FGF13: variants seen among roughly 807,000 people sequenced by gnomAD.
FGF13 encodes fibroblast growth factor 13, also known as fibroblast growth factor homologous factor 2.
Under a neutral mutation model 19.5 loss-of-function variants are expected in FGF13, and 2 were observed. The observed-to-expected ratio is 0.10, with a 90% CI of 0.04 to 0.32. The LOEUF is 0.32. Ranked by LOEUF, FGF13 falls within the 10% of genes least tolerant of loss-of-function variation. The pLI is 1.00. For missense variants in FGF13, 113 were observed against 192.7 expected (o/e 0.59, Z 2.45); for synonymous variants, 72 against 76.9 (o/e 0.94, Z 0.33).
chrX:139,158,280 A>AG (rs1226177100), intron 1 of FGF13, among the ~76,000 whole-genome samples: 6 of 110,295 alleles, frequency 5.4e-5, no homozygotes, highest in African/African-American at 1.0e-4. Context: ...TCCCCTGGAA[A>AG]GGGGGGTGCA....
intron 3 of FGF13, among the ~76,000 whole-genome samples, chrX:138,697,890 A>T (rs1483046468): frequency 9.0e-6 from 1 of 111,276 alleles, no homozygotes; most frequent in Admixed American, 9.6e-5. Flanking sequence ...TTTATTACAA[A>T]TAGCTTTATG....
intron 1 of FGF13, among the ~76,000 whole-genome samples, chrX:139,038,183 C>T (rs73243306): frequency 0.058 from 6,483 of 111,127 alleles, 196 homozygotes; most frequent in Non-Finnish European, 0.093. Context: ...CTGTAACCAC[C>T]CCCACTCCTA....
At chrX:139,056,174 C>T (rs1043036188) in intron 1 of FGF13, among the ~76,000 whole-genome samples, 3 of 112,394 alleles carry the variant, frequency 2.7e-5, no homozygotes, top group Non-Finnish European at 3.8e-5. Flanking sequence ...ATAAGGAACA[C>T]CTACTAGTAC....
intron 1 of FGF13, among the ~76,000 whole-genome samples, chrX:138,973,431 G>A (rs1210579111): frequency 2.7e-5 from 3 of 111,851 alleles, no homozygotes; most frequent in African/African-American, 9.8e-5. Flanking sequence ...GACCTATCCT[G>A]GAGAATGTTC....
chrX:138,734,703 T>C (rs1602761641), intron 1 of FGF13, among the ~76,000 whole-genome samples: 1 of 111,930 alleles, frequency 8.9e-6, no homozygotes, highest in African/African-American at 3.2e-5. Flanking sequence ...AGAAAGCATC[T>C]TTCCTAGTTC....
chrX:138,874,589 T>C (rs1292498556), intron 1 of FGF13, among the ~76,000 whole-genome samples: 2 of 111,821 alleles, frequency 1.8e-5, no homozygotes, highest in African/African-American at 6.5e-5. Context: ...ATGGCAAGCT[T>C]GAAAAAGATG....
At chrX:139,198,250 GCCT>G (rs2084389734) in intron 1 of FGF13, among the ~76,000 whole-genome samples, 1 of 111,253 alleles carries the variant, frequency 9.0e-6, no homozygotes, top group Admixed American at 9.5e-5. Flanking sequence ...TTCTAATTTG[GCCT>G]TTGACTGGCC....
At chrX:138,905,309 G>A (rs1461875528) in intron 1 of FGF13, among the ~76,000 whole-genome samples, 1 of 111,695 alleles carries the variant, frequency 9.0e-6, no homozygotes, top group Non-Finnish European at 1.9e-5. Context: ...TATTTAATTA[G>A]GTAATTATAA....
intron 1 of FGF13, among the ~76,000 whole-genome samples, chrX:139,001,988 AC>A (rs2092075445): frequency 8.9e-6 from 1 of 112,001 alleles, no homozygotes; most frequent in Non-Finnish European, 1.9e-5. Context: ...GCACAAATGC[AC>A]CAAGGAATAC....
chrX:139,069,519 C>G (rs1409816720), intron 1 of FGF13, among the ~76,000 whole-genome samples: 1 of 94,984 alleles, frequency 1.1e-5, no homozygotes, highest in East Asian at 3.5e-4. Flanking sequence ...TGCTAGATGA[C>G]GAGTTCGTGG....
chrX:139,001,963 G>C lies in FGF13; in HGVS notation c.-112-137313C>G, dbSNP rs1268100623. On this transcript the variant is annotated intron_variant, in intron 1 of 2. Transcript: ENST00000421460. ...CCAAATGCCCATCAATGATAGACTG[G>C]ATAAAGAAAATGTGGCACAAATGCA... Among the ~76,000 whole-genome samples the C allele has an allele frequency of 3.6e-5, 4 of 111,895 alleles. No homozygotes were observed. In the Admixed American group the frequency reaches 3.8e-4, roughly 11 times the overall value.
chrX:138,812,672 A>G (rs900229925), intron 3 of FGF13, among the ~76,000 whole-genome samples: 4 of 111,896 alleles, frequency 3.6e-5, no homozygotes, highest in African/African-American at 9.7e-5. Flanking sequence ...ATGTTTTTAC[A>G]TGAATAAGAT....
chrX:138,798,030 T>TGTTC (rs1433123356), intron 3 of FGF13, among the ~76,000 whole-genome samples: 1 of 111,438 alleles, frequency 9.0e-6, no homozygotes, highest in Non-Finnish European at 1.9e-5. Flanking sequence ...TGACTTCCTG[T>TGTTC]GTTCCAATTT....
At chrX:138,862,769 A>G (rs1385617784) in intron 2 of FGF13, among the ~76,000 whole-genome samples, 1 of 112,272 alleles carries the variant, frequency 8.9e-6, no homozygotes, top group African/African-American at 3.2e-5. Flanking sequence ...GGAACAGATC[A>G]ATGCTAATGG....
At chrX:138,961,555 A>C (rs1182371006) in intron 1 of FGF13, among the ~76,000 whole-genome samples, 1 of 111,846 alleles carries the variant, frequency 8.9e-6, no homozygotes, top group Non-Finnish European at 1.9e-5. Flanking sequence ...AGTCTGCAGA[A>C]GTTTCTGCCG....
intron 3 of FGF13, among the ~76,000 whole-genome samples, chrX:138,798,098 T>C (rs2090793885): frequency 8.9e-6 from 1 of 111,949 alleles, no homozygotes; most frequent in Non-Finnish European, 1.9e-5. Context: ...TCCAATACTA[T>C]GTTGAATAGG....
intron 3 of FGF13, among the ~76,000 whole-genome samples, chrX:138,637,079 G>T (rs939802191): frequency 1.8e-5 from 2 of 111,759 alleles, no homozygotes; most frequent in African/African-American, 6.5e-5. Context: ...TGCACGAACT[G>T]AAGTATCTTT....
At chrX:138,870,123 A>G (rs1010891444) in intron 1 of FGF13, among the ~76,000 whole-genome samples, 6 of 111,892 alleles carry the variant, frequency 5.4e-5, no homozygotes, top group Non-Finnish European at 1.1e-4. Context: ...CTCATTCCCT[A>G]TAAACCTAGC....
In FGF13 at chrX:138,635,363, A is replaced by G. The variant is rs1056920579; in HGVS notation, c.601+94T>C. On this transcript the variant is annotated intron_variant, in intron 4 of 4. Transcript: ENST00000315930. ...CACTAAATAGCTTGTCTATGTAACCAAAAACCACCTGTACCCCCAAAACTA... is the reference window on the plus strand; with the variant it reads ...CACTAAATAGCTTGTCTATGTAACCGAAAACCACCTGTACCCCCAAAACTA... 125 of 955,435 alleles carry G rather than the reference A, an allele frequency of 1.3e-4. 1 individual carries two copies. The Admixed American group carries it at 3.3e-3, about 25-fold the overall frequency. 78.7% of individuals were successfully genotyped at this position (955,435 alleles called of 1,213,427 possible). A position where few individuals can be genotyped will look rare whatever the true frequency, so the allele number is the denominator to read the frequency against.
Sources: allele counts gnomAD v4.1 joint callset (sites outside exome capture counted in the v4.1 genomes callset), GRCh38; gene constraint gnomAD v4.1.1; transcripts MANE v1.5; gene names NCBI Gene and HGNC (gene_info 2026-07-23, HGNC 2026-07-21).